The following PDSS2 variants were observed in gnomAD, a reference collection of about 807,000 sequenced individuals.
The protein encoded by PDSS2 is decaprenyl diphosphate synthase subunit 2.
Under a neutral mutation model 44.5 loss-of-function variants are expected in PDSS2, and 31 were observed. The ratio of observed to expected loss-of-function variants is 0.70; its 90% CI spans 0.52 to 0.94. PDSS2 has a LOEUF of 0.94. Ranked by LOEUF, PDSS2 falls within the 40% of genes least tolerant of loss-of-function variation. The pLI, the probability that PDSS2 is intolerant of heterozygous loss-of-function variation, is 0.00. For synonymous variants in PDSS2, 157 were observed against 180.3 expected, an observed-to-expected ratio of 0.87 and a Z score of 1.03; for missense variants, 452 against 482.2, an observed-to-expected ratio of 0.94 and a Z score of 0.59.
chr6:107,300,257 C>A (rs1333699698), intron 2 of PDSS2, among the ~76,000 whole-genome samples: 1 of 152,166 alleles, frequency 6.6e-6, no homozygotes, highest in African/African-American at 2.4e-5. Flanking sequence ...CCTGGACCAG[C>A]CTGCTAGTTC....
Position 107,299,322 on chromosome 6 carries a change from T to C in PDSS2, c.432-25095A>G, listed in dbSNP as rs569582046. ...TCAAAGCAGAGAGCCACAGTGGTCT[T>C]TGTATCCAACCCAGGCATCTCACTA... On this transcript the variant is annotated intron_variant, in intron 2 of 7. Coordinates refer to ENST00000369037, the MANE Select transcript of PDSS2 (RefSeq NM_020381.4). Among the ~76,000 whole-genome samples the C allele has an allele frequency of 7.2e-5, 11 of 152,204 alleles. No individual in the cohort carries two copies. The South Asian group carries it at 1.2e-3, about 17-fold the overall frequency.
At chr6:107,409,808 G>A (rs1780433250) in intron 1 of PDSS2, among the ~76,000 whole-genome samples, 1 of 152,174 alleles carries the variant, frequency 6.6e-6, no homozygotes. Context: ...GGCAGAGGCA[G>A]ACATTAAACA....
chr6:107,230,687 T>TC (rs1562394009), intron 4 of PDSS2, among the ~76,000 whole-genome samples: 54 of 151,538 alleles, frequency 3.6e-4, no homozygotes, highest in South Asian at 8.3e-4. Flanking sequence ...GTTTTTCTCA[T>TC]AGTGATGAGA....
intron 1 of PDSS2, among the ~76,000 whole-genome samples, chr6:107,369,739 C>T (rs1295926181): frequency 6.6e-6 from 1 of 151,982 alleles, no homozygotes; most frequent in African/African-American, 2.4e-5. Flanking sequence ...GGTGCAGTGG[C>T]TCCACCTGTA....
At chr6:107,341,612 A>G (rs757139963) in intron 1 of PDSS2, among the ~76,000 whole-genome samples, 2 of 152,320 alleles carry the variant, frequency 1.3e-5, no homozygotes, top group Admixed American at 1.3e-4. Flanking sequence ...TGAGTAACCA[A>G]CATGAAGAAA....
At chr6:107,165,823 TG>T (rs1771323552) in intron 7 of PDSS2, among the ~76,000 whole-genome samples, 1 of 152,206 alleles carries the variant, frequency 6.6e-6, no homozygotes, top group East Asian at 1.9e-4. Context: ...CATTTGTTTG[TG>T]TCTTCTTTTA....
At chr6:107,244,561 A>G (rs1286434147) in intron 4 of PDSS2, among the ~76,000 whole-genome samples, 1 of 152,212 alleles carries the variant, frequency 6.6e-6, no homozygotes, top group Admixed American at 6.5e-5. Flanking sequence ...CCTACTAGGA[A>G]CTGTGGTTAC....
At chr6:107,445,937 T>C (rs1781660107) in intron 1 of PDSS2, among the ~76,000 whole-genome samples, 2 of 152,180 alleles carry the variant, frequency 1.3e-5, no homozygotes, top group Non-Finnish European at 2.9e-5. Context: ...TCTCTCTCTG[T>C]CTCTGTCTGT....
intron 1 of PDSS2, among the ~76,000 whole-genome samples, chr6:107,352,723 T>C (rs1478041077): frequency 3.3e-5 from 5 of 152,202 alleles, no homozygotes; most frequent in African/African-American, 1.2e-4. Flanking sequence ...TTTACCTTTC[T>C]CCTTTCCCAC....
intron 1 of PDSS2, among the ~76,000 whole-genome samples, chr6:107,356,994 T>C (rs927257620): frequency 6.6e-6 from 1 of 152,146 alleles, no homozygotes; most frequent in African/African-American, 2.4e-5. Context: ...CTAAAAAAAT[T>C]CAGAACACAC....
intron 7 of PDSS2, among the ~76,000 whole-genome samples, chr6:107,178,796 G>A (rs1043627912): frequency 1.3e-5 from 2 of 152,080 alleles, no homozygotes; most frequent in South Asian, 2.1e-4. Context: ...TGAGGTGGGC[G>A]GATCACTTGA....
intron 1 of PDSS2, among the ~76,000 whole-genome samples, chr6:107,397,396 T>A (rs1779983415): frequency 6.6e-6 from 1 of 152,168 alleles, no homozygotes; most frequent in South Asian, 2.1e-4. Context: ...AAGAAAAAAA[T>A]ACCAATTTTA....
At chr6:107,360,061 T>G (rs927821092) in intron 1 of PDSS2, among the ~76,000 whole-genome samples, 1 of 152,212 alleles carries the variant, frequency 6.6e-6, no homozygotes, top group Non-Finnish European at 1.5e-5. Flanking sequence ...TATATGGTTT[T>G]GTTTTGTTCT....
At chr6:107,198,285 A>C (rs1485624426) in intron 6 of PDSS2, among the ~76,000 whole-genome samples, 1 of 152,208 alleles carries the variant, frequency 6.6e-6, no homozygotes, top group Non-Finnish European at 1.5e-5. Context: ...GATATAATCT[A>C]GATCTGCTCA....
At chr6:107,281,665 T>C (rs972374823) in intron 2 of PDSS2, among the ~76,000 whole-genome samples, 4 of 152,234 alleles carry the variant, frequency 2.6e-5, no homozygotes, top group African/African-American at 9.6e-5. Flanking sequence ...TAAAGACTTT[T>C]TAATAATCAG....
chr6:107,381,230 C>G (rs1562500968), intron 1 of PDSS2, among the ~76,000 whole-genome samples: 1 of 152,168 alleles, frequency 6.6e-6, no homozygotes. Context: ...CTCTAACCTC[C>G]ATAATAAGGC....
chr6:107,380,749 G>A (rs1278561188), intron 1 of PDSS2, among the ~76,000 whole-genome samples: 1 of 152,142 alleles, frequency 6.6e-6, no homozygotes, highest in Non-Finnish European at 1.5e-5. Context: ...CAGAGCAGCG[G>A]TTTCCCCTGA....
chr6:107,215,301 A>C (rs1250914954), intron 4 of PDSS2, among the ~76,000 whole-genome samples: 2 of 152,098 alleles, frequency 1.3e-5, no homozygotes, highest in East Asian at 3.9e-4. Flanking sequence ...CTGAGGAGGG[A>C]GGATCACTTG....
intron 2 of PDSS2, among the ~76,000 whole-genome samples, chr6:107,284,597 G>A (rs563481733): frequency 8.0e-5 from 12 of 149,880 alleles, no homozygotes; most frequent in African/African-American, 2.5e-4. Flanking sequence ...GGAGGAGGAG[G>A]TTACAGTGAG....
Sources: gnomAD v4.1 joint callset for allele counts (sites outside exome capture counted in the v4.1 genomes callset) on GRCh38, gnomAD v4.1.1 for gene constraint, MANE v1.5 for transcripts, NCBI Gene and HGNC (gene_info 2026-07-23, HGNC 2026-07-21) for gene names.